The following ZEB1 variants were observed in gnomAD, a reference collection of about 807,000 sequenced individuals.
ZEB1 encodes zinc finger E-box-binding homeobox 1.
A neutral mutation model predicts 84.9 loss-of-function variants in ZEB1; 21 were observed. The observed-to-expected ratio is 0.25, with a 90% CI of 0.18 to 0.36. The LOEUF is 0.36. Ranked by LOEUF, ZEB1 falls within the 10% of genes least tolerant of loss-of-function variation. ZEB1 has a pLI of 1.00. For missense variants in ZEB1, 1,104 were observed against 1,330.2 expected (o/e 0.83, Z 2.65); for synonymous variants, 420 against 471.1 (o/e 0.89, Z 1.41).
At chr10:31,472,904 A>G (rs1337342641) in intron 2 of ZEB1, among the ~76,000 whole-genome samples, 3 of 125,324 alleles carry the variant, frequency 2.4e-5, no homozygotes, top group Non-Finnish European at 4.5e-5. Context: ...CTGGTTCAAT[A>G]TACCCAAATC....
At chr10:31,387,658 A>G (rs146946530) in intron 1 of ZEB1, 2 of 725,912 alleles carry the variant, frequency 2.8e-6, no homozygotes, top group East Asian at 2.7e-4. Context: ...CAGTTGATAG[A>G]GCCAGCTGTG....
At chr10:31,361,637 G>A (rs1203852054) in intron 1 of ZEB1, among the ~76,000 whole-genome samples, 2 of 151,526 alleles carry the variant, frequency 1.3e-5, no homozygotes, top group Non-Finnish European at 2.9e-5. Context: ...CTTACAAATG[G>A]TGAGGGGGCT....
At chr10:31,496,216 G>C (rs1188481677) in intron 3 of ZEB1, among the ~76,000 whole-genome samples, 1 of 151,924 alleles carries the variant, frequency 6.6e-6, no homozygotes, top group Non-Finnish European at 1.5e-5. Flanking sequence ...GCTTTGAATT[G>C]CCCACAAGAC....
chr10:31,320,952 A>G (rs1008188771), intron 1 of ZEB1, among the ~76,000 whole-genome samples: 2 of 152,192 alleles, frequency 1.3e-5, no homozygotes, highest in African/African-American at 2.4e-5. Context: ...AAGGAATTAC[A>G]CGTACATTTC....
At chr10:31,410,101 A>G (rs1164583188) in intron 1 of ZEB1, among the ~76,000 whole-genome samples, 2 of 152,206 alleles carry the variant, frequency 1.3e-5, no homozygotes, top group East Asian at 3.8e-4. Flanking sequence ...TTCAAAGGGA[A>G]TGCTTCTAGC....
Position 31,520,417 on chromosome 10 carries a change from C to T in ZEB1, c.1085C>T (p.Ala362Val). ...VDYEFKPIVV[A>V]SGINCSTPLQ... is the part of the protein sequence containing the mutation. ...TATGAATTCAAACCCATAGTGGTTG[C>T]TTCAGGAATCAACTGTTCAACCCCT... Residue 362 changes from alanine to valine, a missense_variant, in exon 7 of 9, where the codon GCT becomes GTT. Physicochemically the swap from Ala to Val is moderately conservative, Grantham distance 64 (BLOSUM62 0). Coordinates refer to ENST00000424869, the MANE Select transcript of ZEB1 (RefSeq NM_001174096.2). The surrounding 1 kb of genome is among the most constrained non-coding windows in gnomAD (Gnocchi z 5.1). The T allele has an allele frequency of 6.2e-7, 1 of 1,613,984 alleles. No homozygotes were observed. Among genetic ancestry groups the T allele is most frequent in the Non-Finnish European group, 8.5e-7 (1 of 1,179,952 alleles).
intron 2 of ZEB1, among the ~76,000 whole-genome samples, chr10:31,488,919 AT>A (rs1247017290): frequency 6.6e-6 from 1 of 151,272 alleles, no homozygotes; most frequent in Non-Finnish European, 1.5e-5. Flanking sequence ...TTTTGTGTAC[AT>A]TTGAAAAGAA....
chr10:31,387,170 C>T (rs2048781051), intron 1 of ZEB1: 1 of 985,712 alleles, frequency 1.0e-6, no homozygotes, highest in Non-Finnish European at 1.2e-6. Context: ...GAGGTCCCTC[C>T]TGCACCAAGA....
At chr10:31,474,673 A>T (rs969370726) in intron 2 of ZEB1, among the ~76,000 whole-genome samples, 2 of 152,180 alleles carry the variant, frequency 1.3e-5, no homozygotes, top group African/African-American at 4.8e-5. Flanking sequence ...GGGATCTAGA[A>T]CTAGAAATAC....
intron 1 of ZEB1, among the ~76,000 whole-genome samples, chr10:31,365,643 C>G (rs2044320184): frequency 6.6e-6 from 1 of 152,056 alleles, no homozygotes; most frequent in Non-Finnish European, 1.5e-5. Flanking sequence ...AAAAGCATGG[C>G]CTCTATCTTT....
intron 2 of ZEB1, among the ~76,000 whole-genome samples, chr10:31,469,297 G>A (rs931623029): frequency 1.1e-4 from 16 of 152,158 alleles, no homozygotes; most frequent in African/African-American, 3.9e-4. Context: ...TCCATCTGAG[G>A]TACCGGGTTC....
rs1034046834 is a variant in ZEB1 at position 31,465,916 on chromosome 10, A to T, written c.259+4679A>T. Among the ~76,000 whole-genome samples the T allele has an allele frequency of 4.6e-5, 7 of 152,232 alleles. No homozygotes were observed. In the South Asian group the frequency reaches 6.2e-4, roughly 13 times the overall value. ...TTTTACCTTTAAAGATACAGATAAG[A>T]TGAAAGAGGAAGGTTGGAAAAATAT... On this transcript the variant is annotated intron_variant, in intron 2 of 8. Transcript: ENST00000424869.
At chr10:31,523,823 G>A in intron 7 of ZEB1, 110 bp from the exon 8 acceptor site, 1 of 1,307,098 alleles carries the variant, frequency 7.7e-7, no homozygotes, top group Non-Finnish European at 1.1e-6. Context: ...TCAAGTCCTT[G>A]AAAGTATAAA....
chr10:31,352,016 C>G (rs1460303981), intron 1 of ZEB1, among the ~76,000 whole-genome samples: 1 of 152,056 alleles, frequency 6.6e-6, no homozygotes, highest in Non-Finnish European at 1.5e-5. Flanking sequence ...AGCCCATAAT[C>G]ATAATACATA....
chr10:31,442,619 T>C (rs978108488), intron 1 of ZEB1, among the ~76,000 whole-genome samples: 3 of 151,744 alleles, frequency 2.0e-5, no homozygotes, highest in African/African-American at 7.3e-5. Flanking sequence ...TTGGGATTCA[T>C]AGGAGAAGTC....
upstream of ZEB1, chr10:31,318,897 T>G: frequency 2.6e-6 from 1 of 390,874 alleles, no homozygotes; most frequent in South Asian, 2.2e-5. Context: ...CAACTTTACC[T>G]TTCCAACTCC....
At chr10:31,422,493 C>G (rs900773283) in intron 1 of ZEB1, among the ~76,000 whole-genome samples, 4 of 151,836 alleles carry the variant, frequency 2.6e-5, no homozygotes, top group African/African-American at 7.3e-5. Flanking sequence ...TTATTGTTTC[C>G]CCAAAGACCC....
chr10:31,393,630 C>T (rs747415528), intron 1 of ZEB1, among the ~76,000 whole-genome samples: 16 of 152,016 alleles, frequency 1.1e-4, no homozygotes, highest in Non-Finnish European at 2.1e-4. Context: ...TGCTAGGTTC[C>T]TGGTTTTCGT....
intron 2 of ZEB1, among the ~76,000 whole-genome samples, chr10:31,489,273 CT>C (rs2066164572): frequency 6.6e-6 from 1 of 151,288 alleles, no homozygotes; most frequent in Admixed American, 6.6e-5. Flanking sequence ...TCTGATATTA[CT>C]ATAATCACGC....
Sources: allele counts gnomAD v4.1 joint callset (sites outside exome capture counted in the v4.1 genomes callset), GRCh38; gene constraint gnomAD v4.1.1; non-coding constraint Gnocchi (gnomAD v3.1); transcripts MANE v1.5; gene names NCBI Gene and HGNC (gene_info 2026-07-23, HGNC 2026-07-21).